MYO10: variants seen among roughly 807,000 people sequenced by gnomAD.
The protein encoded by MYO10 is unconventional myosin-X.
In MYO10, 133 loss-of-function variants were observed where a neutral mutation model predicts 257.3. That is an observed-to-expected ratio of 0.52 (90% CI 0.45 to 0.60). The LOEUF (loss-of-function observed/expected upper bound fraction) is 0.60. Ranked by LOEUF, MYO10 falls within the 20% of genes least tolerant of loss-of-function variation. The pLI is 0.00. For missense variants in MYO10, 2,399 were observed against 2,635.7 expected (o/e 0.91, Z 1.97); for synonymous variants, 1,104 against 1,028.6 (o/e 1.07, Z -1.40).
chr5:16,763,606 G>C, intron 13 of MYO10, 49 bp downstream of exon 13: 6 of 1,577,454 alleles, frequency 3.8e-6, no homozygotes, highest in Non-Finnish European at 5.2e-6. Flanking sequence ...AACGAATCTA[G>C]TTGCTGCTTT....
intron 3 of MYO10, among the ~76,000 whole-genome samples, chr5:16,796,611 T>C (rs1741981745): frequency 6.6e-6 from 1 of 152,170 alleles, no homozygotes; most frequent in African/African-American, 2.4e-5. Flanking sequence ...TAACTCTGAT[T>C]ACCTGGCTTC....
At chr5:16,714,614 T>C (rs1413479944) in intron 19 of MYO10, among the ~76,000 whole-genome samples, 1 of 152,178 alleles carries the variant, frequency 6.6e-6, no homozygotes, top group Non-Finnish European at 1.5e-5. Flanking sequence ...ATGCAGGAGA[T>C]TGAGACCATC....
rs777553982 is a variant in MYO10, at chr5:16,780,536, G to T, written c.814C>A (p.His272Asn). The T allele has an allele frequency of 6.3e-7, 1 of 1,580,044 alleles. No individual in the cohort carries two copies. The highest frequency in any genetic ancestry group is 2.3e-5 in the East Asian group (1 of 44,056). The change falls in exon 8 of 41, where the codon CAT (histidine) becomes AAT (asparagine). Residue 272 changes from histidine to asparagine, a missense_variant. Transcript: ENST00000513610. The part of the protein sequence containing the change: ...IFYALLAGLE[H>N]EEREEFYLST... ...TCGTCCCACTCACCTCTTTCTTCAT[G>T]TTCCAGCCCTGCCAGCAGTGCATAA... is the stretch of plus-strand genomic sequence containing the variant.
intron 2 of MYO10, among the ~76,000 whole-genome samples, chr5:16,824,076 G>A (rs1742927045): frequency 6.6e-6 from 1 of 152,098 alleles, no homozygotes; most frequent in African/African-American, 2.4e-5. Flanking sequence ...TGATCAATAC[G>A]ACTGAAAACA....
intron 6 of MYO10, 142 bp from the exon 7 acceptor site, chr5:16,780,883 G>C: frequency 1.2e-6 from 1 of 815,738 alleles, no homozygotes; most frequent in South Asian, 1.8e-5. Context: ...AGTGCCAACA[G>C]ACAAGCAAAC....
At chr5:16,764,437 C>T (rs1740807128) in intron 11 of MYO10, 41 bp from the exon 12 acceptor site, 1 of 1,607,550 alleles carries the variant, frequency 6.2e-7, no homozygotes, top group Non-Finnish European at 8.5e-7. Context: ...TGACCCCGGG[C>T]ACCCCAGACA....
chr5:16,673,575 A>G (rs1217747092), intron 36 of MYO10, 107 bp downstream of exon 36: 1 of 1,224,282 alleles, frequency 8.2e-7, no homozygotes, highest in Non-Finnish European at 1.2e-6. Flanking sequence ...TACTAAGCAA[A>G]CTGCAACTGT....
chr5:16,911,612 G>C (rs1745658278), intron 1 of MYO10, among the ~76,000 whole-genome samples: 1 of 151,970 alleles, frequency 6.6e-6, no homozygotes, highest in African/African-American at 2.4e-5. Context: ...CACGCCTGTA[G>C]TCCCAGCTAC....
chr5:16,912,140 C>A (rs1745676088), intron 1 of MYO10, among the ~76,000 whole-genome samples: 1 of 152,166 alleles, frequency 6.6e-6, no homozygotes. Context: ...GACAACTCTT[C>A]TTCCAATGTG....
chr5:16,697,464 G>A (rs964718114), intron 26 of MYO10, among the ~76,000 whole-genome samples: 9 of 152,210 alleles, frequency 5.9e-5, no homozygotes. Context: ...CACTTTGGGA[G>A]GCCAAGGAGG....
intron 2 of MYO10, among the ~76,000 whole-genome samples, chr5:16,873,454 A>G (rs1744502985): frequency 6.6e-6 from 1 of 152,180 alleles, no homozygotes; most frequent in African/African-American, 2.4e-5. Flanking sequence ...TGCACAGTGC[A>G]AGCTGTCAGT....
intron 25 of MYO10, 85 bp downstream of exon 25, chr5:16,700,878 G>T: frequency 7.2e-7 from 1 of 1,393,460 alleles, no homozygotes; most frequent in Non-Finnish European, 9.6e-7. Flanking sequence ...ATATCCTACG[G>T]GTATCTTCAT....
At chr5:16,685,209 A>G (rs1446830833) in intron 29 of MYO10, among the ~76,000 whole-genome samples, 4 of 152,028 alleles carry the variant, frequency 2.6e-5, no homozygotes, top group African/African-American at 9.7e-5. Context: ...ACCTTCTGTA[A>G]TTTATTCGTT....
intron 18 of MYO10, among the ~76,000 whole-genome samples, chr5:16,756,440 C>T (rs1036517770): frequency 1.3e-5 from 2 of 152,156 alleles, no homozygotes; most frequent in African/African-American, 4.8e-5. Context: ...GTGGATGCAT[C>T]TTTTCAGTCT....
chr5:16,803,118 T>A (rs78216112), intron 3 of MYO10, among the ~76,000 whole-genome samples: 2,096 of 149,722 alleles, frequency 0.014, 52 homozygotes, highest in African/African-American at 0.048. Flanking sequence ...TAAAAAAATT[T>A]AAAAAAAAAA....
intron 2 of MYO10, among the ~76,000 whole-genome samples, chr5:16,875,050 G>A (rs1259689840): frequency 2.0e-5 from 3 of 152,120 alleles, no homozygotes; most frequent in Admixed American, 6.6e-5. Flanking sequence ...CACAAGAATA[G>A]CATGGGAAAG....
chr5:16,866,014 A>AACAC (rs34718010), intron 2 of MYO10, among the ~76,000 whole-genome samples: 5,008 of 136,482 alleles, frequency 0.037, 229 homozygotes, highest in African/African-American at 0.11. Flanking sequence ...TATTTACCCA[A>AACAC]ACACACACAC....
intron 3 of MYO10, among the ~76,000 whole-genome samples, chr5:16,796,242 C>T (rs1313881559): frequency 2.5e-5 from 2 of 81,588 alleles, no homozygotes; most frequent in African/African-American, 4.7e-5. Flanking sequence ...AAAGAGCGAG[C>T]GTGCGAGAGA....
intron 1 of MYO10, among the ~76,000 whole-genome samples, chr5:16,918,852 G>A (rs952548511): frequency 2.6e-5 from 4 of 152,078 alleles, no homozygotes; most frequent in African/African-American, 4.8e-5. Flanking sequence ...ACTTACTTAC[G>A]CCAATCACTC....
Sources: gnomAD v4.1 joint callset for allele counts (sites outside exome capture counted in the v4.1 genomes callset) on GRCh38, gnomAD v4.1.1 for gene constraint, MANE v1.5 for transcripts, NCBI Gene and HGNC (gene_info 2026-07-23, HGNC 2026-07-21) for gene names.